Variants in AP2A2 observed in about 807,000 individuals in gnomAD.
AP2A2 encodes the protein adaptor related protein complex 2 subunit alpha 2, also known as AP-2 complex subunit alpha-2.
Under a neutral mutation model 104.2 loss-of-function variants are expected in AP2A2, and 32 were observed. The ratio of observed to expected loss-of-function variants is 0.31; its 90% confidence interval spans 0.23 to 0.41. AP2A2 has a LOEUF of 0.41. AP2A2 is among the 10% of genes least tolerant of loss of function. The pLI, the probability that AP2A2 is intolerant of heterozygous loss-of-function variation, is 1.00. For synonymous variants in AP2A2, 539 were observed against 533.3 expected, an observed-to-expected ratio of 1.01 and a Z score of -0.15; for missense variants, 912 against 1,261.0, an observed-to-expected ratio of 0.72 and a Z score of 4.19.
chr11:939,498 A>G (rs11246349), intron 1 of AP2A2, among the ~76,000 whole-genome samples: 72,317 of 151,288 alleles, frequency 0.48, 18,140 homozygotes, highest in Middle Eastern at 0.65. Flanking sequence ...AGGCTGGAGT[A>G]CAGTGGTGGG....
intron 9 of AP2A2, 101 bp downstream of exon 9, chr11:987,054 G>A (rs964432869): frequency 3.7e-6 from 5 of 1,354,884 alleles, no homozygotes; most frequent in Non-Finnish European, 5.0e-6. Flanking sequence ...TCCCCGCAGA[G>A]ATGGAGGTGG....
intron 1 of AP2A2, among the ~76,000 whole-genome samples, chr11:940,570 A>G (rs1041617096): frequency 3.3e-5 from 5 of 152,126 alleles, no homozygotes; most frequent in African/African-American, 1.2e-4. Flanking sequence ...TCATGACCCA[A>G]GTGCCCCTTT....
Position 1,009,166 on chromosome 11 carries a change from G to A in AP2A2, c.2487G>A (p.Pro829=), listed in dbSNP as rs1268028997. The part of the protein sequence containing the change: ...LPITLNKFFQ[P]TEMASQDFFQ... ...TCACTCTCAACAAATTCTTCCAGCC[G>A]ACAGAAATGGCTTCTCAGGATTTCT... Residue 829 remains proline, a synonymous_variant, in exon 19 of 22, where the codon CCG becomes CCA. Coordinates refer to ENST00000448903, the MANE Select transcript of AP2A2 (RefSeq NM_012305.4). 6.8e-6 allele frequency: 11 copies of A among 1,613,642 alleles called. No homozygotes were observed. The highest frequency in any genetic ancestry group is 2.7e-5 in the African/African-American group (2 of 74,928).
intron 1 of AP2A2, among the ~76,000 whole-genome samples, chr11:949,031 T>G (rs980319556): frequency 6.6e-6 from 1 of 151,792 alleles, no homozygotes; most frequent in African/African-American, 2.4e-5. Flanking sequence ...GGCTCATGCC[T>G]GTAATCCCAG....
chr11:953,038 C>T (rs1172164472), intron 1 of AP2A2, among the ~76,000 whole-genome samples: 5 of 152,158 alleles, frequency 3.3e-5, no homozygotes, highest in African/African-American at 9.7e-5. Context: ...AGGGGTGCTG[C>T]GTTGATCATG....
chr11:1,007,892 C>A, intron 17 of AP2A2, 120 bp from the exon 18 acceptor site: 1 of 1,432,180 alleles, frequency 7.0e-7, no homozygotes, highest in Admixed American at 2.0e-5. Flanking sequence ...CGACCCGTAG[C>A]TGGTGGTCCT....
intron 1 of AP2A2, among the ~76,000 whole-genome samples, chr11:941,714 A>G (rs1184297004): frequency 6.6e-6 from 1 of 151,428 alleles, no homozygotes; most frequent in Non-Finnish European, 1.5e-5. Flanking sequence ...CAGCCTCCCA[A>G]GTAGCTGGGA....
Position 977,111 on chromosome 11 carries a change from G to A in AP2A2, c.490G>A (p.Val164Met). The A allele has an allele frequency of 2.5e-6, 4 of 1,613,748 alleles. No individual in the cohort carries two copies. Among genetic ancestry groups the A allele is most frequent in the Non-Finnish European group, 3.4e-6 (4 of 1,179,824 alleles). The change falls in exon 5 of 22, where the codon GTG becomes ATG. Residue 164 changes from valine (V) to methionine (M), a missense_variant. This residue lies in a region of AP2A2 where 350 missense variants were observed against 487.0 expected (regional missense o/e 0.72). Transcript: ENST00000448903. ...GTCTTTCAGAGACACTATGGACAGC[G>A]TGAAGCAGAGCGCGGCCCTGTGCTT... ...VLVAGDTMDS[V>M]KQSAALCLLR...
chr11:951,783 C>T (rs1449269136), intron 1 of AP2A2, among the ~76,000 whole-genome samples: 2 of 152,184 alleles, frequency 1.3e-5, no homozygotes, highest in Non-Finnish European at 2.9e-5. Context: ...CTGTGCTAAC[C>T]ACCTTAATAG....
rs757190222 is a variant in AP2A2 at position 935,603 on chromosome 11, G to GTTTTTTTTTTTTTTTT, written c.67+9522_67+9537dup. Among the ~76,000 whole-genome samples, 363 of 77,938 alleles carry GTTTTTTTTTTTTTTTT rather than the reference G, an allele frequency of 4.7e-3. 36 individuals are homozygous for GTTTTTTTTTTTTTTTT. The highest frequency in any genetic ancestry group is 0.013 in the African/African-American group (274 of 21,350). The allele number at this position is 77,938 out of a possible 152,430, so 51.1% of individuals were successfully genotyped here. On this transcript the variant is annotated intron_variant, in intron 1 of 21. Coordinates refer to ENST00000448903, the MANE Select transcript of AP2A2 (RefSeq NM_012305.4). ...AAGTGTGAGCCACTGTGCCCGGCCA[G>GTTTTTTTTTTTTTTTT]TTTTTTTTTTTTTTTTTTTTTTGAG...
chr11:969,138 C>T (rs1854728171), intron 2 of AP2A2, among the ~76,000 whole-genome samples: 1 of 151,812 alleles, frequency 6.6e-6, no homozygotes. Context: ...CGCTCGCCTC[C>T]ACAGCCTGCT....
Position 993,880 on chromosome 11 carries a change from G to C in AP2A2, c.1677G>C (p.Gln559His). 6.2e-7 allele frequency: 1 copy of C among 1,610,572 alleles called. No homozygotes were observed. The change falls in exon 13 of 22, where the codon CAG (glutamine) becomes CAC (histidine). Residue 559 changes from glutamine to histidine, a missense_variant. Coordinates refer to ENST00000448903, the MANE Select transcript of AP2A2 (RefSeq NM_012305.4). This position sits in a 1 kb window ranked among gnomAD's most constrained non-coding sequence, Gnocchi z 8.2. ...NLFPEVKPTI[Q>H]DVLRSDSQLR... ...TCCCGGAGGTGAAGCCCACCATCCAGGACGTGCTGCGCAGCGACAGCCAGC... is the reference window on the plus strand; with the variant it reads ...TCCCGGAGGTGAAGCCCACCATCCACGACGTGCTGCGCAGCGACAGCCAGC...
chr11:989,276 T>G (rs897240027), intron 10 of AP2A2, among the ~76,000 whole-genome samples: 3 of 151,696 alleles, frequency 2.0e-5, no homozygotes, highest in African/African-American at 7.3e-5. Context: ...GAGGTTGTGG[T>G]GAGCCGAGAT....
chr11:1,010,005 T>C, intron 21 of AP2A2, 188 bp downstream of exon 21: 1 of 645,602 alleles, frequency 1.5e-6, no homozygotes, highest in South Asian at 2.0e-5. Flanking sequence ...GCATCATCCC[T>C]AGTGCAGTTC....
chr11:940,474 C>G (rs1361520759), intron 1 of AP2A2, among the ~76,000 whole-genome samples: 2 of 149,836 alleles, frequency 1.3e-5, no homozygotes, highest in African/African-American at 5.0e-5. Flanking sequence ...CTTTCGCGTT[C>G]TGTTTCCACG....
rs545772370 is a variant in AP2A2 at position 968,400 on chromosome 11, C to T, written c.137-1769C>T. 3.9e-5 allele frequency among the ~76,000 whole-genome samples: 6 copies of T among 152,228 alleles called. No homozygotes were observed. The East Asian group carries it at 7.8e-4, about 20-fold the overall frequency. ...GGAGCAGAGGCTGGTCGGCTCCTCTCGGAGAGAGCCTGTCTCCGTCTCCGC... is the reference window on the plus strand; with the variant it reads ...GGAGCAGAGGCTGGTCGGCTCCTCTTGGAGAGAGCCTGTCTCCGTCTCCGC... On this transcript the variant is annotated intron_variant, in intron 2 of 21. Coordinates refer to ENST00000448903, the MANE Select transcript of AP2A2 (RefSeq NM_012305.4). This position sits in a 1 kb window ranked among gnomAD's most constrained non-coding sequence, Gnocchi z 4.2.
intron 2 of AP2A2, among the ~76,000 whole-genome samples, chr11:964,644 T>C (rs559371194): frequency 2.4e-4 from 36 of 152,260 alleles, no homozygotes; most frequent in African/African-American, 8.7e-4. Flanking sequence ...ACAGTCTCAC[T>C]TTTCCTATTT....
chr11:996,765 G>A (rs1043263006), intron 14 of AP2A2, among the ~76,000 whole-genome samples: 2 of 152,210 alleles, frequency 1.3e-5, no homozygotes, highest in South Asian at 4.1e-4. Flanking sequence ...CTTCACTCCT[G>A]ATGGTCAGTG....
At chr11:944,249 G>A (rs548719234) in intron 1 of AP2A2, among the ~76,000 whole-genome samples, 98 of 152,330 alleles carry the variant, frequency 6.4e-4, no homozygotes, top group African/African-American at 2.3e-3. Context: ...TTCCAGCTGT[G>A]TTGCTCAGAA....
Sources: gnomAD v4.1 joint callset for allele counts (sites outside exome capture counted in the v4.1 genomes callset) on GRCh38, gnomAD v4.1.1 for gene constraint, gnomAD v4.1.1 regional missense constraint, Gnocchi (gnomAD v3.1) non-coding constraint, MANE v1.5 for transcripts, NCBI Gene and HGNC (gene_info 2026-07-23, HGNC 2026-07-21) for gene names.